XPNPEP2: variants seen among roughly 807,000 people sequenced by gnomAD.
XPNPEP2 encodes the protein xaa-Pro aminopeptidase 2.
In XPNPEP2, 64 loss-of-function variants were observed where a neutral mutation model predicts 59.8. The observed-to-expected ratio is 1.07, with a 90% confidence interval of 0.87 to 1.32. XPNPEP2 has a LOEUF of 1.32. XPNPEP2 is among the 40% of genes most tolerant of loss of function. The pLI, the probability that XPNPEP2 is intolerant of heterozygous loss-of-function variation, is 0.00. For missense variants in XPNPEP2, 575 were observed against 546.8 expected (o/e 1.05, Z -0.51); for synonymous variants, 235 against 210.0 (o/e 1.12, Z -1.03).
At chrX:129,761,051 C>G (rs1012874774) in intron 16 of XPNPEP2, 121 bp from the exon 17 acceptor site, 85 of 597,420 alleles carry the variant, frequency 1.4e-4, no homozygotes, top group Non-Finnish European at 6.4e-5. Flanking sequence ...TCAGTGCATG[C>G]TTAGCGGCCT....
rs766878081 is a variant in XPNPEP2, at chrX:129,768,510, C to A, written c.*25C>A. ...GAGGCTCCAGACTCTCCTGTTAACCCTCCATCTAGATGGGGGGCTCCCTTG... is the reference window on the plus strand; with the variant it reads ...GAGGCTCCAGACTCTCCTGTTAACCATCCATCTAGATGGGGGGCTCCCTTG... On this transcript the variant is annotated 3_prime_UTR_variant, in exon 21 of 21. Transcript: ENST00000371106. 2 of 1,128,392 alleles carry A rather than the reference C, an allele frequency of 1.8e-6. No homozygotes were observed. The highest frequency in any genetic ancestry group is 2.3e-6 in the Non-Finnish European group (2 of 853,789). 93.0% of individuals were successfully genotyped at this position (1,128,392 alleles called of 1,213,427 possible).
rs181163075 is a variant in XPNPEP2 at position 129,746,347 on chromosome X, G to T, written c.403+7G>T. The T allele has an allele frequency of 5.8e-6, 7 of 1,198,119 alleles. No homozygotes were observed. The East Asian group carries it at 2.1e-4, about 36-fold the overall frequency. On this transcript the variant is annotated splice_region_variant and intron_variant, in intron 5 of 20. Transcript: ENST00000371106. ...TGGGAGCTCCATAAGGAAGGTAGAA[G>T]GGCCGCATGGATTTGTTCCCCAAGT... is the stretch of plus-strand genomic sequence containing the variant.
At chrX:129,756,996 C>CTATATATA (rs61273791) in intron 14 of XPNPEP2, among the ~76,000 whole-genome samples, 26 of 70,413 alleles carry the variant, frequency 3.7e-4, no homozygotes, top group East Asian at 2.9e-3. Context: ...CCATGCCCAG[C>CTATATATA]TATATATATA....
chrX:129,742,981 A>G (rs964431512), intron 2 of XPNPEP2, among the ~76,000 whole-genome samples: 2 of 111,932 alleles, frequency 1.8e-5, no homozygotes, highest in African/African-American at 6.5e-5. Flanking sequence ...TGTGCAGACG[A>G]GGAAAAGGCC....
intron 1 of XPNPEP2, 52 bp from the exon 2 acceptor site, chrX:129,742,056 C>G: frequency 8.7e-7 from 1 of 1,147,476 alleles, no homozygotes; most frequent in Middle Eastern, 2.4e-4. Flanking sequence ...CCTTCCCTCT[C>G]TAGGAACTAG....
intron 10 of XPNPEP2, 121 bp downstream of exon 10, chrX:129,752,466 T>C: frequency 1.3e-6 from 1 of 742,122 alleles, no homozygotes; most frequent in Admixed American, 3.3e-5. Context: ...CCAACAACTG[T>C]GCAGTGAGTT....
At chrX:129,752,934 G>A (rs1198211558) in intron 10 of XPNPEP2, among the ~76,000 whole-genome samples, 2 of 112,456 alleles carry the variant, frequency 1.8e-5, no homozygotes. Context: ...GTCAATCAAG[G>A]AAGCCTTCCT....
intron 1 of XPNPEP2, among the ~76,000 whole-genome samples, chrX:129,741,412 G>A (rs1159901747): frequency 8.9e-6 from 1 of 112,304 alleles, no homozygotes; most frequent in Non-Finnish European, 1.9e-5. Context: ...AAATCTATCT[G>A]GGCCTTGACT....
At chrX:129,759,310 C>CCA (rs1242387302) in intron 15 of XPNPEP2, 70 bp downstream of exon 15, 1 of 1,154,654 alleles carries the variant, frequency 8.7e-7, no homozygotes, top group Non-Finnish European at 1.2e-6. Context: ...AAGATCCCTT[C>CCA]CATTTCAGAG....
At chrX:129,764,693 G>A (rs937638633) in intron 19 of XPNPEP2, among the ~76,000 whole-genome samples, 1 of 109,016 alleles carries the variant, frequency 9.2e-6, no homozygotes, top group African/African-American at 3.4e-5. Context: ...GCCAGGCATG[G>A]TGGCTCACAC....
At chrX:129,759,412 G>T (rs999729451) in intron 15 of XPNPEP2, among the ~76,000 whole-genome samples, 172 bp downstream of exon 15, 2 of 112,647 alleles carry the variant, frequency 1.8e-5, no homozygotes, top group African/African-American at 6.5e-5. Flanking sequence ...CTTCCCCGGG[G>T]ATATTTCAGG....
chrX:129,751,901 G>A (rs1017968764), intron 9 of XPNPEP2, 75 bp downstream of exon 9: 24 of 1,037,582 alleles, frequency 2.3e-5, no homozygotes, highest in East Asian at 9.1e-5. Flanking sequence ...CACTGATCCC[G>A]CCTTAATATA....
At chrX:129,754,049 C>T (rs779217043) in intron 11 of XPNPEP2, among the ~76,000 whole-genome samples, 4 of 111,830 alleles carry the variant, frequency 3.6e-5, no homozygotes, top group Non-Finnish European at 7.5e-5. Flanking sequence ...TTAAGATAAA[C>T]CACCTCATTT....
intron 2 of XPNPEP2, among the ~76,000 whole-genome samples, chrX:129,742,557 A>C (rs1039190757): frequency 9.0e-6 from 1 of 110,918 alleles, no homozygotes; most frequent in Non-Finnish European, 1.9e-5. Flanking sequence ...TTCTAGAGTG[A>C]CAGCAAAAAG....
intron 8 of XPNPEP2, among the ~76,000 whole-genome samples, 194 bp from the exon 9 acceptor site, chrX:129,751,534 GGAAGAAAGAAAGAAAGA>G: frequency 1.7e-5 from 1 of 57,307 alleles, no homozygotes; most frequent in Admixed American, 2.7e-4. Flanking sequence ...AAGAAAGAAA[GGAAGAAAGAAAGAAAGA>G]AAGAAAGAAA....
At chrX:129,763,761 T>A (rs952081282) in intron 19 of XPNPEP2, among the ~76,000 whole-genome samples, 4 of 111,537 alleles carry the variant, frequency 3.6e-5, no homozygotes, top group South Asian at 3.7e-4. Context: ...ATGAAATAGA[T>A]AGCTGTAACA....
intron 14 of XPNPEP2, among the ~76,000 whole-genome samples, chrX:129,757,431 C>A (rs1414783487): frequency 1.8e-5 from 2 of 110,065 alleles, no homozygotes; most frequent in Non-Finnish European, 1.9e-5. Flanking sequence ...GAGGTGGGGG[C>A]AGATGAGAGA....
chrX:129,739,499 C>T (rs930354302), intron 1 of XPNPEP2, among the ~76,000 whole-genome samples: 6 of 111,943 alleles, frequency 5.4e-5, no homozygotes, highest in African/African-American at 1.6e-4. Flanking sequence ...CTCGTTAAAA[C>T]GGTAAGGAAA....
chrX:129,757,090 A>G (rs781656672), intron 14 of XPNPEP2, among the ~76,000 whole-genome samples: 218 of 103,082 alleles, frequency 2.1e-3, no homozygotes, highest in Non-Finnish European at 3.6e-3. Context: ...ACACACACAC[A>G]CATATATATA....
Sources: gnomAD v4.1 joint callset for allele counts (sites outside exome capture counted in the v4.1 genomes callset) on GRCh38, gnomAD v4.1.1 for gene constraint, MANE v1.5 for transcripts, NCBI Gene and HGNC (gene_info 2026-07-23, HGNC 2026-07-21) for gene names.